The following ADAM17 variants were observed in gnomAD, a reference collection of about 807,000 sequenced individuals.
The protein encoded by ADAM17 is disintegrin and metalloproteinase domain-containing protein 17.
ADAM17 carries 39 observed loss-of-function variants against 96.7 expected under a neutral mutation model. The ratio of observed to expected loss-of-function variants is 0.40; its 90% CI spans 0.31 to 0.53. The LOEUF (loss-of-function observed/expected upper bound fraction) is 0.53, where lower values mean the gene tolerates loss of function less well. Ranked by LOEUF, ADAM17 falls within the 20% of genes least tolerant of loss-of-function variation. ADAM17 has a pLI of 0.44. For missense variants in ADAM17, 777 were observed against 1,013.2 expected (o/e 0.77, Z 3.17); for synonymous variants, 344 against 359.2 (o/e 0.96, Z 0.48).
In ADAM17 at chr2:9,535,848, C is replaced by T. The variant is rs1442150875; in HGVS notation, c.436G>A (p.Glu146Lys). ...VIIRINTDGA[E>K]YNIEPLWRFV... ...TATAAATTTACCTCTATGTTATATT[C>T]GGCCCCATCTGTGTTGATTCTGATT... The change falls in exon 4 of 19, where the codon GAA (glutamate) becomes AAA (lysine). Residue 146 changes from glutamate (E) to lysine (K), a missense_variant. Physicochemically the swap from Glu to Lys is moderately conservative, Grantham distance 56. Coordinates refer to ENST00000310823, the MANE Select transcript of ADAM17 (RefSeq NM_003183.6). 2 of 1,596,498 alleles carry T rather than the reference C, an allele frequency of 1.3e-6. No homozygotes were observed. Among genetic ancestry groups the T allele is most frequent in the African/African-American group, 1.3e-5 (1 of 74,242 alleles).
chr2:9,501,137 T>TA (rs1156757077), intron 13 of ADAM17, among the ~76,000 whole-genome samples: 2 of 152,034 alleles, frequency 1.3e-5, no homozygotes, highest in African/African-American at 4.8e-5. Flanking sequence ...ACCCAATTTT[T>TA]AAAAAATGAA....
At chr2:9,493,898 A>C (rs994691640) in intron 15 of ADAM17, 73 bp from the exon 16 acceptor site, 3 of 1,288,174 alleles carry the variant, frequency 2.3e-6, no homozygotes, top group Non-Finnish European at 3.3e-6. Context: ...GCTTTATAAA[A>C]ATAACTGACA....
intron 16 of ADAM17, 88 bp downstream of exon 16, chr2:9,493,659 A>T: frequency 8.7e-7 from 1 of 1,152,036 alleles, no homozygotes; most frequent in Non-Finnish European, 1.3e-6. Context: ...CTGCAGAATT[A>T]AAGCACATCA....
intron 18 of ADAM17, 48 bp downstream of exon 18, chr2:9,491,053 G>A (rs1238095436): frequency 6.5e-7 from 1 of 1,542,560 alleles, no homozygotes; most frequent in Non-Finnish European, 8.9e-7. Context: ...TGCCTAACAG[G>A]GCCTCAGACC....
intron 15 of ADAM17, 150 bp from the exon 16 acceptor site, chr2:9,493,975 T>C: frequency 1.6e-6 from 1 of 611,818 alleles, no homozygotes; most frequent in Non-Finnish European, 2.9e-6. Flanking sequence ...TTCCGCGTAA[T>C]GAGTACCCAA....
At chr2:9,493,345 C>G (rs1204347195) in intron 16 of ADAM17, among the ~76,000 whole-genome samples, 1 of 152,172 alleles carries the variant, frequency 6.6e-6, no homozygotes, top group Non-Finnish European at 1.5e-5. Context: ...CTCGTGACAA[C>G]ATGATATACC....
At chr2:9,500,538 G>A (rs903223854) in intron 13 of ADAM17, among the ~76,000 whole-genome samples, 3 of 151,914 alleles carry the variant, frequency 2.0e-5, no homozygotes, top group African/African-American at 4.8e-5. Context: ...ACTTTAAATG[G>A]GCAAACTACA....
rs963243554 is a variant in ADAM17 at position 9,489,617 on chromosome 2, GATAT to G, written c.*556_*559del. ...TTAACCCAAATGATTTCTAAATTTAGATATATATTTTCCCTGCTACATAAAAACT... is the reference window on the plus strand; with the variant it reads ...TTAACCCAAATGATTTCTAAATTTAGATATTTTCCCTGCTACATAAAAACT... On this transcript the variant is annotated 3_prime_UTR_variant, in exon 19 of 19. Coordinates refer to ENST00000310823, the MANE Select transcript of ADAM17 (RefSeq NM_003183.6). 1.4e-5 allele frequency: 2 copies of G among 148,002 alleles called. No individual in the cohort carries two copies. The highest frequency in any genetic ancestry group is 2.5e-5 in the African/African-American group (1 of 39,886). The allele number at this position is 148,002 out of a possible 1,614,324, so 9.2% of individuals were successfully genotyped here.
At chr2:9,497,000 C>T (rs1024499645) in intron 14 of ADAM17, 114 bp downstream of exon 14, 13 of 1,477,646 alleles carry the variant, frequency 8.8e-6, no homozygotes, top group African/African-American at 8.4e-5. Flanking sequence ...CCCTCATCCT[C>T]GGCTTGGATC....
intron 1 of ADAM17, among the ~76,000 whole-genome samples, chr2:9,546,733 T>C (rs1665417226): frequency 6.6e-6 from 1 of 151,514 alleles, no homozygotes; most frequent in Non-Finnish European, 1.5e-5. Flanking sequence ...TTTTTTGAAA[T>C]GGAGTCTCAC....
chr2:9,532,686 C>T (rs564355713), intron 4 of ADAM17, among the ~76,000 whole-genome samples: 63 of 147,062 alleles, frequency 4.3e-4, no homozygotes, highest in Middle Eastern at 3.6e-3. Context: ...CAAGGTCTCC[C>T]TATATTGCCT....
At chr2:9,544,612 G>T (rs1324069352) in intron 1 of ADAM17, among the ~76,000 whole-genome samples, 1 of 152,088 alleles carries the variant, frequency 6.6e-6, no homozygotes, top group East Asian at 1.9e-4. Flanking sequence ...GGGATCACAA[G>T]GTCAGGAGAT....
intron 3 of ADAM17, among the ~76,000 whole-genome samples, 174 bp from the exon 4 acceptor site, chr2:9,536,096 G>GGGTA (rs1664949908): frequency 3.3e-5 from 5 of 152,172 alleles, no homozygotes; most frequent in Admixed American, 3.3e-4. Context: ...AACTCCTAAG[G>GGGTA]GGTAGCCTCA....
chr2:9,521,942 T>C (rs1398231471), intron 7 of ADAM17: 1 of 152,352 alleles, frequency 6.6e-6, no homozygotes, highest in Non-Finnish European at 1.5e-5. Flanking sequence ...GTTTTGATGG[T>C]GGCTGGTCAA....
intron 10 of ADAM17, among the ~76,000 whole-genome samples, chr2:9,511,997 A>G (rs1401797556): frequency 7.6e-6 from 1 of 131,100 alleles, no homozygotes; most frequent in Non-Finnish European, 1.8e-5. Context: ...ATAAAATAAA[A>G]TAAATATATA....
intron 2 of ADAM17, 32 bp downstream of exon 2, chr2:9,543,119 GCC>G: frequency 6.5e-7 from 1 of 1,531,104 alleles, no homozygotes; most frequent in East Asian, 2.4e-5. Flanking sequence ...AGCCCCCAGT[GCC>G]CCAACATTAT....
rs368421476 is a variant in ADAM17, at chr2:9,545,502, G to A, written c.98-2217C>T. The stretch of plus-strand genomic sequence containing the variant: ...AGAGAACTGCTTGAACCTGGGAGGC[G>A]GAGGTTGCAGTGAGCCGAGATCACA... On this transcript the variant is annotated intron_variant, in intron 1 of 18. Transcript: ENST00000310823. Among the ~76,000 whole-genome samples the A allele has an allele frequency of 5.3e-5, 8 of 149,720 alleles. No homozygotes were observed. In the South Asian group the frequency reaches 8.4e-4, roughly 16 times the overall value.
intron 4 of ADAM17, among the ~76,000 whole-genome samples, chr2:9,531,233 C>CA (rs548093005): frequency 1.1e-3 from 169 of 151,722 alleles, no homozygotes; most frequent in African/African-American, 3.7e-3. Context: ...GCTGGGATGA[C>CA]AGGCATGAGC....
rs2124990837 is a variant in ADAM17 at position 9,502,204 on chromosome 2, A to G, written c.1617T>C (p.Asn539=). 1 of 1,614,154 alleles carries G rather than the reference A, an allele frequency of 6.2e-7. No homozygotes were observed. The change falls in exon 13 of 19, where the codon AAT becomes AAC. Residue 539 remains asparagine (N), a synonymous_variant. Transcript: ENST00000310823. ...AGTAGGACACGCCTTTGCAAGTAGC[A>G]TTAATCGCCTCCTGGCACTTCTTCT... is the stretch of plus-strand genomic sequence containing the variant. ...TAQKKCQEAI[N]ATCKGVSYCT... is the part of the protein sequence containing the mutation.
Sources: gnomAD v4.1 joint callset for allele counts (sites outside exome capture counted in the v4.1 genomes callset) on GRCh38, gnomAD v4.1.1 for gene constraint, MANE v1.5 for transcripts, NCBI Gene and HGNC (gene_info 2026-07-23, HGNC 2026-07-21) for gene names.